RBFOX1: variants seen among roughly 807,000 people sequenced by gnomAD.
The protein encoded by RBFOX1 is RNA binding fox-1 homolog 1, also known as RNA binding protein fox-1 homolog 1.
Under a neutral mutation model 57.7 loss-of-function variants are expected in RBFOX1, and 8 were observed. The observed-to-expected ratio is 0.14, with a 90% confidence interval of 0.08 to 0.25. The LOEUF is 0.25. Among genes scored for constraint, RBFOX1 ranks in the 10% least tolerant of loss-of-function variants. The pLI is 1.00. For synonymous variants in RBFOX1, 326 were observed against 222.4 expected, an observed-to-expected ratio of 1.47 and a Z score of -4.15; for missense variants, 611 against 548.5, an observed-to-expected ratio of 1.11 and a Z score of -1.14.
At chr16:7,069,976 A>G (rs1400095889) in intron 4 of RBFOX1, among the ~76,000 whole-genome samples, 2 of 152,186 alleles carry the variant, frequency 1.3e-5, no homozygotes, top group South Asian at 2.1e-4. Context: ...AATTCCATCA[A>G]GTAAGGTTTT....
At chr16:5,490,667 C>T (rs2042797521) in intron 2 of RBFOX1, among the ~76,000 whole-genome samples, 1 of 152,162 alleles carries the variant, frequency 6.6e-6, no homozygotes, top group Admixed American at 6.5e-5. Context: ...AGCATCTCTG[C>T]AGACCGCCCG....
At chr16:6,901,786 G>C (rs938219428) in intron 3 of RBFOX1, among the ~76,000 whole-genome samples, 2 of 152,174 alleles carry the variant, frequency 1.3e-5, no homozygotes, top group African/African-American at 4.8e-5. Context: ...GAGATGGATT[G>C]AGAAGGAAGA....
intron 2 of RBFOX1, among the ~76,000 whole-genome samples, chr16:6,445,479 C>A (rs2094465549): frequency 1.3e-5 from 2 of 151,254 alleles, no homozygotes; most frequent in Admixed American, 1.3e-4. Flanking sequence ...ATAGTCAGTT[C>A]CTGCAAAGAG....
intron 4 of RBFOX1, among the ~76,000 whole-genome samples, chr16:7,256,004 G>C (rs2094665298): frequency 6.6e-6 from 1 of 152,082 alleles, no homozygotes; most frequent in African/African-American, 2.4e-5. Context: ...GTCTCCTTTT[G>C]TCTTATTTGC....
At chr16:5,354,053 G>A (rs1371720922) in intron 1 of RBFOX1, among the ~76,000 whole-genome samples, 2 of 135,390 alleles carry the variant, frequency 1.5e-5, no homozygotes, top group Non-Finnish European at 3.2e-5. Context: ...TTCCTTTCCA[G>A]AAAGGCTGCT....
intron 1 of RBFOX1, among the ~76,000 whole-genome samples, chr16:6,257,614 C>T (rs1392386803): frequency 6.6e-6 from 1 of 152,082 alleles, no homozygotes; most frequent in Admixed American, 6.5e-5. Context: ...CTGTTGTTCC[C>T]TTCTATGTGT....
intron 4 of RBFOX1, among the ~76,000 whole-genome samples, chr16:7,477,678 G>T (rs957415228): frequency 6.6e-6 from 1 of 152,148 alleles, no homozygotes; most frequent in African/African-American, 2.4e-5. Flanking sequence ...CCACTGCATT[G>T]GTTTTAATTC....
At chr16:5,240,070 G>C (rs1211521694) in exon 1 of RBFOX1, 1 of 1,531,846 alleles carries the variant, frequency 6.5e-7, no homozygotes, top group East Asian at 2.4e-5. Flanking sequence ...GGGCAGGGAG[G>C]AGACCGGCAC....
intron 4 of RBFOX1, among the ~76,000 whole-genome samples, chr16:7,495,251 C>G (rs10852685): frequency 0.48 from 73,338 of 152,088 alleles, 22,202 homozygotes; most frequent in Non-Finnish European, 0.68. Context: ...CATGTCTCTG[C>G]TGTTGTGAAT....
chr16:5,416,882 C>T (rs1203222378), intron 1 of RBFOX1, among the ~76,000 whole-genome samples: 1 of 152,120 alleles, frequency 6.6e-6, no homozygotes, highest in Non-Finnish European at 1.5e-5. Flanking sequence ...TAACCCAGCC[C>T]ATCCTGCCTA....
chr16:5,694,676 C>A (rs2050794126), intron 3 of RBFOX1, among the ~76,000 whole-genome samples: 1 of 151,968 alleles, frequency 6.6e-6, no homozygotes, highest in South Asian at 2.1e-4. Flanking sequence ...TCAAATGATA[C>A]CTCTTAGGGA....
chr16:6,819,862 C>G (rs953252782), intron 3 of RBFOX1, among the ~76,000 whole-genome samples: 2 of 152,066 alleles, frequency 1.3e-5, no homozygotes, highest in Non-Finnish European at 2.9e-5. Context: ...TCCAGTGTAA[C>G]CTACAATGTA....
chr16:5,366,559 C>G (rs2065721671), intron 1 of RBFOX1: 1 of 390,720 alleles, frequency 2.6e-6, no homozygotes, highest in African/African-American at 2.1e-5. Context: ...AGCAGAAATG[C>G]AAGCAAATAT....
At chr16:7,604,950 G>A (rs1385420970) in intron 9 of RBFOX1, among the ~76,000 whole-genome samples, 1 of 152,084 alleles carries the variant, frequency 6.6e-6, no homozygotes, top group African/African-American at 2.4e-5. Flanking sequence ...TATGAGATGG[G>A]TAACAGTGGA....
At chr16:7,300,715 T>C (rs1310141217) in intron 4 of RBFOX1, among the ~76,000 whole-genome samples, 2 of 152,264 alleles carry the variant, frequency 1.3e-5, no homozygotes, top group Non-Finnish European at 2.9e-5. Context: ...CATTCTTCTT[T>C]TAAATTGCTG....
chr16:7,417,539 TG>T (rs1333328412), intron 4 of RBFOX1, among the ~76,000 whole-genome samples: 13 of 149,932 alleles, frequency 8.7e-5, no homozygotes, highest in African/African-American at 2.5e-4. Context: ...TGTGTGTGTG[TG>T]TGTGTGTGTG....
intron 3 of RBFOX1, among the ~76,000 whole-genome samples, chr16:6,902,245 G>T (rs899157583): frequency 6.6e-6 from 1 of 152,116 alleles, no homozygotes; most frequent in Admixed American, 6.5e-5. Flanking sequence ...GTAACTCACA[G>T]TTTCTGTATT....
At chr16:5,858,531 C>G (rs1049349160) in intron 3 of RBFOX1, among the ~76,000 whole-genome samples, 1 of 152,196 alleles carries the variant, frequency 6.6e-6, no homozygotes, top group Admixed American at 6.5e-5. Context: ...GCCTCTTGCT[C>G]CTCTCAAAAT....
intron 3 of RBFOX1, among the ~76,000 whole-genome samples, chr16:6,801,966 G>C (rs2085570413): frequency 6.6e-6 from 1 of 152,036 alleles, no homozygotes; most frequent in Non-Finnish European, 1.5e-5. Context: ...TAGGTGCTGG[G>C]GTGATTACCC....
Sources: allele counts gnomAD v4.1 joint callset (sites outside exome capture counted in the v4.1 genomes callset), GRCh38; gene constraint gnomAD v4.1.1; transcripts MANE v1.5; gene names NCBI Gene and HGNC (gene_info 2026-07-23, HGNC 2026-07-21).